Variants in AK2 observed in about 807,000 individuals in gnomAD.
AK2 encodes adenylate kinase 2, mitochondrial.
Under a neutral mutation model 24.6 loss-of-function variants are expected in AK2, and 15 were observed. That is an observed-to-expected ratio of 0.61 (90% confidence interval 0.41 to 0.94). The LOEUF (loss-of-function observed/expected upper bound fraction) is 0.94. Ranked by LOEUF, AK2 falls within the 40% of genes least tolerant of loss-of-function variation. The pLI, the probability that AK2 is intolerant of heterozygous loss-of-function variation, is 0.00. For synonymous variants in AK2, 102 were observed against 114.0 expected (o/e 0.90, Z 0.67); for missense variants, 257 against 304.1 (o/e 0.85, Z 1.15).
In AK2 at chr1:33,019,869, T is replaced by G. The variant is rs182986098; in HGVS notation, c.425+1498A>C. On this transcript the variant is annotated intron_variant, in intron 4 of 5. Transcript: ENST00000672715. ...TAAGTAAACAATGGTTAACCTACTGTGAAATATTACACAGCAATTAAAAGT... is the reference window on the plus strand; with the variant it reads ...TAAGTAAACAATGGTTAACCTACTGGGAAATATTACACAGCAATTAAAAGT... The G allele has an allele frequency of 8.4e-5, 110 of 1,305,376 alleles. No individual in the cohort carries two copies. The Admixed American group carries it at 1.4e-3, about 17-fold the overall frequency. The allele number at this position is 1,305,376 out of a possible 1,614,324, so 80.9% of individuals were successfully genotyped here. A position where few individuals can be genotyped will look rare whatever the true frequency, so the allele number is the denominator to read the frequency against.
At chr1:33,013,924 A>G (rs1057485032) in intron 5 of AK2, among the ~76,000 whole-genome samples, 3 of 152,238 alleles carry the variant, frequency 2.0e-5, no homozygotes, top group East Asian at 1.9e-4. Context: ...CTAAGTTGCC[A>G]TAACGGCTCT....
At chr1:33,027,829 G>A (rs1176801644) in intron 1 of AK2, among the ~76,000 whole-genome samples, 2 of 152,056 alleles carry the variant, frequency 1.3e-5, no homozygotes, top group Non-Finnish European at 2.9e-5. Flanking sequence ...CAATGTGGTA[G>A]GCTGTAAAGA....
intron 1 of AK2, among the ~76,000 whole-genome samples, chr1:33,025,694 G>A (rs1294529668): frequency 6.6e-6 from 1 of 152,160 alleles, no homozygotes; most frequent in African/African-American, 2.4e-5. Flanking sequence ...GACTTAAGAT[G>A]TCACTTCACC....
chr1:33,027,124 A>C (rs758800354), intron 1 of AK2, among the ~76,000 whole-genome samples: 1 of 152,202 alleles, frequency 6.6e-6, no homozygotes, highest in African/African-American at 2.4e-5. Flanking sequence ...ACAAACAAAC[A>C]AACCCAAAAA....
intron 1 of AK2, among the ~76,000 whole-genome samples, chr1:33,026,346 A>C (rs959201978): frequency 6.6e-6 from 1 of 152,138 alleles, no homozygotes; most frequent in African/African-American, 2.4e-5. Context: ...TTGCAGGCAC[A>C]AGCCACGTGC....
intron 1 of AK2, among the ~76,000 whole-genome samples, chr1:33,026,284 G>A (rs754353345): frequency 6.6e-6 from 1 of 151,964 alleles, no homozygotes; most frequent in Non-Finnish European, 1.5e-5. Flanking sequence ...CTGCAGCCAC[G>A]AACTCCCTGG....
intron 1 of AK2, chr1:33,032,123 G>GGCACT (rs1486666560): frequency 6.1e-6 from 1 of 164,176 alleles, no homozygotes; most frequent in Non-Finnish European, 1.3e-5. Flanking sequence ...GCAGGCACTA[G>GGCACT]GCACTAACCC....
chr1:33,031,769 C>T (rs1318197198), intron 1 of AK2: 2 of 433,066 alleles, frequency 4.6e-6, no homozygotes, highest in Non-Finnish European at 9.4e-6. Context: ...TGCCTGGCCT[C>T]GAAGAATTGG....
chr1:33,031,112 T>A (rs540302857), intron 1 of AK2: 1 of 152,298 alleles, frequency 6.6e-6, no homozygotes, highest in Non-Finnish European at 1.5e-5. Context: ...GACAGGAGGA[T>A]GAACAGGAGA....
rs1194597645 is a variant in AK2 at position 33,021,347 on chromosome 1, G to A, written c.425+20C>T. The stretch of plus-strand genomic sequence containing the variant: ...GAAAGCTCTGAGAAGCATGAAAAGG[G>A]ACCTTCAAGGGACAAATACCTTCCT... On this transcript the variant is annotated intron_variant, in intron 4 of 5. Coordinates refer to ENST00000672715, the MANE Select transcript of AK2 (RefSeq NM_001625.4). 5 of 1,605,010 alleles carry A rather than the reference G, an allele frequency of 3.1e-6. No homozygotes were observed. Among genetic ancestry groups the A allele is most frequent in the Middle Eastern group, 1.8e-4 (1 of 5,610 alleles).
chr1:33,036,610 G>A lies in AK2; in HGVS notation c.93+126C>T, dbSNP rs114626159. ...AATGCCCCACCAGAACCGAGACCCC[G>A]GCCAGCGTTCCCCGCAGGCCTTAGT... On this transcript the variant is annotated intron_variant, in intron 1 of 5. Transcript: ENST00000672715. The A allele has an allele frequency of 6.9e-3, 6,059 of 884,378 alleles. 231 individuals are homozygous for A. In the African/African-American group the frequency reaches 0.09, roughly 13 times the overall value. The allele number at this position is 884,378 out of a possible 1,614,324, so 54.8% of individuals were successfully genotyped here. A position where few individuals can be genotyped will look rare whatever the true frequency, so the allele number is the denominator to read the frequency against.
In AK2 at chr1:33,021,718, C is replaced by T. The variant is rs756652410; in HGVS notation, c.220-15G>A. 2 of 1,594,408 alleles carry T rather than the reference C, an allele frequency of 1.3e-6. No homozygotes were observed. ...TCATCACTCACCTGGAAGTTAGGAA[C>T]AAAATAGCCTTGGGTTTAAATCCAT... On this transcript the variant is annotated splice_polypyrimidine_tract_variant and intron_variant, in intron 2 of 5. Transcript: ENST00000672715.
rs774023578 is a variant in AK2, at chr1:33,011,028, T to A, written c.*2153A>T. 4.1e-6 allele frequency: 4 copies of A among 985,422 alleles called. No individual in the cohort carries two copies. The highest frequency in any genetic ancestry group is 4.8e-6 in the Non-Finnish European group (4 of 829,932). The allele number at this position is 985,422 out of a possible 1,614,324, so 61.0% of individuals were successfully genotyped here. Reference sequence around the variant, plus strand: ...AGCAAAAACAGAATCCTAACCATACTGAGAAGGGTATATGCATTCCCTATG... The same window carrying A: ...AGCAAAAACAGAATCCTAACCATACAGAGAAGGGTATATGCATTCCCTATG... On this transcript the variant is annotated 3_prime_UTR_variant, in exon 6 of 6. Transcript: ENST00000672715.
chr1:33,009,369 G>T lies in AK2; in HGVS notation c.*3812C>A, dbSNP rs1033190259. 4.4e-6 allele frequency: 2 copies of T among 453,996 alleles called. No individual in the cohort carries two copies. The highest frequency in any genetic ancestry group is 4.0e-5 in the African/African-American group (2 of 50,002). The allele number at this position is 453,996 out of a possible 1,614,324, so 28.1% of individuals were successfully genotyped here. A position where few individuals can be genotyped will look rare whatever the true frequency, so the allele number is the denominator to read the frequency against. Reference sequence around the variant, plus strand: ...CAGAGAAGCAACAAAGAGTGTTAAAGAAGCAACTGAAAAGGTAGTCAAAGA... The same window carrying T: ...CAGAGAAGCAACAAAGAGTGTTAAATAAGCAACTGAAAAGGTAGTCAAAGA... On this transcript the variant is annotated 3_prime_UTR_variant, in exon 6 of 6. Transcript: ENST00000672715.
At chr1:33,018,443 A>C (rs1189938161) in intron 4 of AK2, among the ~76,000 whole-genome samples, 1 of 152,132 alleles carries the variant, frequency 6.6e-6, no homozygotes, top group East Asian at 1.9e-4. Context: ...ACAACAACAA[A>C]AAAAAACAGA....
At position 33,010,948 on chromosome 1, in the gene AK2, C is replaced by A; in HGVS notation, c.*2233G>T. The A allele has an allele frequency of 6.4e-7, 1 of 1,569,792 alleles. No individual in the cohort carries two copies. Among genetic ancestry groups the A allele is most frequent in the Non-Finnish European group, 8.6e-7 (1 of 1,156,820 alleles). On this transcript the variant is annotated 3_prime_UTR_variant, in exon 6 of 6. Coordinates refer to ENST00000672715, the MANE Select transcript of AK2 (RefSeq NM_001625.4). The stretch of plus-strand genomic sequence containing the variant: ...CAAATGCATTAAACACTGGACATTT[C>A]TGTGACAGGTAAAAGCAGAACCTGC...
intron 1 of AK2, among the ~76,000 whole-genome samples, chr1:33,027,524 G>A (rs951026818): frequency 2.0e-5 from 3 of 151,984 alleles, no homozygotes; most frequent in Non-Finnish European, 2.9e-5. Context: ...GGTGGATCAC[G>A]AGGTCAGGAG....
rs748893078 is a variant in AK2 at position 33,011,250 on chromosome 1, T to C, written c.*1931A>G. 8.5e-6 allele frequency: 11 copies of C among 1,299,928 alleles called. No individual in the cohort carries two copies. The South Asian group carries it at 1.4e-4, about 16-fold the overall frequency. 80.5% of individuals were successfully genotyped at this position (1,299,928 alleles called of 1,614,324 possible). A position where few individuals can be genotyped will look rare whatever the true frequency, so the allele number is the denominator to read the frequency against. On this transcript the variant is annotated 3_prime_UTR_variant, in exon 6 of 6. Coordinates refer to ENST00000672715, the MANE Select transcript of AK2 (RefSeq NM_001625.4). ...GGGGAGCTGATTCTAAGATTCATGATGCCACTGTCACCCAGAGAAGGATCC... is the reference window on the plus strand; with the variant it reads ...GGGGAGCTGATTCTAAGATTCATGACGCCACTGTCACCCAGAGAAGGATCC...
rs970782050 is a variant in AK2 at position 33,010,969 on chromosome 1, C to A, written c.*2212G>T. The A allele has an allele frequency of 2.6e-6, 4 of 1,548,966 alleles. No homozygotes were observed. Among genetic ancestry groups the A allele is most frequent in the Admixed American group, 3.9e-5 (2 of 50,712 alleles). On this transcript the variant is annotated 3_prime_UTR_variant, in exon 6 of 6. Coordinates refer to ENST00000672715, the MANE Select transcript of AK2 (RefSeq NM_001625.4). ...ATTTCTGTGACAGGTAAAAGCAGAA[C>A]CTGCTGAGGCTGAGGAACTCTGGAA... is the stretch of plus-strand genomic sequence containing the variant.
Sources: gnomAD v4.1 joint callset for allele counts (sites outside exome capture counted in the v4.1 genomes callset) on GRCh38, gnomAD v4.1.1 for gene constraint, MANE v1.5 for transcripts, NCBI Gene and HGNC (gene_info 2026-07-23, HGNC 2026-07-21) for gene names.